KMT2C: variants seen among roughly 807,000 people sequenced by gnomAD.
KMT2C encodes lysine methyltransferase 2C.
In KMT2C, 88 loss-of-function variants were observed where a neutral mutation model predicts 507.9. That is an observed-to-expected ratio of 0.17 (90% CI 0.15 to 0.21). The LOEUF (loss-of-function observed/expected upper bound fraction) is 0.21. Ranked by LOEUF, KMT2C falls within the 10% of genes least tolerant of loss-of-function variation. KMT2C has a pLI of 1.00. For missense variants in KMT2C, 4,954 were observed against 5,957.8 expected, an observed-to-expected ratio of 0.83 and a Z score of 5.55; for synonymous variants, 2,049 against 2,080.8, an observed-to-expected ratio of 0.98 and a Z score of 0.42.
chr7:152,152,643 G>A (rs2129097309), intron 49 of KMT2C, 62 bp downstream of exon 49: 2 of 1,585,004 alleles, frequency 1.3e-6, no homozygotes, highest in South Asian at 2.3e-5. Flanking sequence ...GTATCTCAAA[G>A]AGTAAGCTTA....
intron 8 of KMT2C, among the ~76,000 whole-genome samples, chr7:152,264,032 C>T (rs1466005907): frequency 2.0e-5 from 3 of 152,144 alleles, no homozygotes; most frequent in Admixed American, 6.6e-5. Context: ...TAAAAAGTCA[C>T]GTTTTATCTC....
chr7:152,295,808 T>C (rs746362306), intron 6 of KMT2C, among the ~76,000 whole-genome samples: 5 of 152,192 alleles, frequency 3.3e-5, no homozygotes, highest in Non-Finnish European at 5.9e-5. Context: ...GGCTCACGCC[T>C]GTAATCCCAG....
At chr7:152,190,164 G>C (rs1210555018) in intron 31 of KMT2C, among the ~76,000 whole-genome samples, 1 of 152,142 alleles carries the variant, frequency 6.6e-6, no homozygotes, top group African/African-American at 2.4e-5. Flanking sequence ...GGTCTTCCTT[G>C]AAACTGGTCC....
chr7:152,418,276 G>A (rs34169961), intron 1 of KMT2C, among the ~76,000 whole-genome samples: 7,619 of 151,972 alleles, frequency 0.05, 321 homozygotes, highest in African/African-American at 0.11. Flanking sequence ...CCTGCCTATG[G>A]TAATCTGTCC....
rs180986613 is a variant in KMT2C at position 152,218,537 on chromosome 7, C to T, written c.3712+1986G>A. Among the ~76,000 whole-genome samples the T allele has an allele frequency of 3.9e-3, 598 of 152,174 alleles. 6 individuals carry two copies. Among genetic ancestry groups the T allele is most frequent in the African/African-American group, 0.014 (567 of 41,526 alleles). On this transcript the variant is annotated intron_variant, in intron 23 of 58. Coordinates refer to ENST00000262189, the MANE Select transcript of KMT2C (RefSeq NM_170606.3). ...TGGACCATTGTTTCTCACTGATCTA[C>T]CTGTCATAACTCTTGCACCTAATCA... is the stretch of plus-strand genomic sequence containing the variant.
In KMT2C at chr7:152,155,954, T is replaced by C; in HGVS notation, c.11916A>G (p.Pro3972=). The change falls in exon 46 of 59, where the codon CCA becomes CCG. Residue 3972 remains proline (P), a synonymous_variant. Transcript: ENST00000262189. ...LAQGPKTVDV[P]ASLPTPPHNN... is the part of the protein sequence containing the mutation. ...TATGAGGTGGTGTTGGGAGGGAGGC[T>C]GGCACATCAACTGTCTTGGGGCCCT... 1 of 1,610,222 alleles carries C rather than the reference T, an allele frequency of 6.2e-7. No homozygotes were observed. The highest frequency in any genetic ancestry group is 8.5e-7 in the Non-Finnish European group (1 of 1,179,248).
intron 23 of KMT2C, among the ~76,000 whole-genome samples, chr7:152,215,824 G>A (rs1338566851): frequency 6.6e-6 from 1 of 151,746 alleles, no homozygotes; most frequent in Non-Finnish European, 1.5e-5. Context: ...TGTAAACTGG[G>A]GGCATGAAGG....
rs756315490 is a variant in KMT2C at position 152,162,813 on chromosome 7, C to T, written c.10764G>A (p.Ser3588=). The change falls in exon 43 of 59, where the codon TCG becomes TCA. Residue 3588 remains serine, a synonymous_variant. Transcript: ENST00000262189. ...TTATATCAGAATACAACTGAATGAGCGATTGGGTTGATCCCGGATAACTGT... is the reference window on the plus strand; with the variant it reads ...TTATATCAGAATACAACTGAATGAGTGATTGGGTTGATCCCGGATAACTGT... The part of the protein sequence containing the change: ...HGHSYPGSTQ[S]LIQLYSDIIP... 1.5e-5 allele frequency: 24 copies of T among 1,614,098 alleles called. No homozygotes were observed. The highest frequency in any genetic ancestry group is 2.2e-5 in the South Asian group (2 of 91,068).
At chr7:152,358,467 T>TA (rs1361249988) in intron 2 of KMT2C, 120 bp downstream of exon 2, 12 of 595,284 alleles carry the variant, frequency 2.0e-5, no homozygotes, top group African/African-American at 9.4e-5. Context: ...ATGGGAAACT[T>TA]AGAGTTCAGT....
At chr7:152,137,116 G>A (rs2089945158) in intron 58 of KMT2C, 192 bp from the exon 59 acceptor site, 1 of 543,798 alleles carries the variant, frequency 1.8e-6, no homozygotes, top group East Asian at 3.0e-5. Flanking sequence ...GAGGAAATGA[G>A]GGAGGCAGTA....
At chr7:152,284,175 T>C (rs1437912774) in intron 6 of KMT2C, among the ~76,000 whole-genome samples, 1 of 152,156 alleles carries the variant, frequency 6.6e-6, no homozygotes, top group Admixed American at 6.5e-5. Context: ...TATGTAATTG[T>C]GCTATTGAAT....
intron 1 of KMT2C, among the ~76,000 whole-genome samples, chr7:152,372,022 C>T (rs539525053): frequency 1.1e-3 from 168 of 151,932 alleles, no homozygotes; most frequent in Admixed American, 2.2e-3. Flanking sequence ...CAAAGGAAGA[C>T]GGCTAGAGAG....
At chr7:152,407,738 T>C (rs914573082) in intron 1 of KMT2C, among the ~76,000 whole-genome samples, 9 of 152,256 alleles carry the variant, frequency 5.9e-5, no homozygotes, top group African/African-American at 2.2e-4. Flanking sequence ...GATACAACTA[T>C]ATCACGTCTT....
chr7:152,187,218 T>A (rs1460357981), intron 33 of KMT2C, 44 bp downstream of exon 33: 1 of 1,508,336 alleles, frequency 6.6e-7, no homozygotes, highest in Non-Finnish European at 9.2e-7. Context: ...GTATTGCACA[T>A]GTGAAAATGT....
At chr7:152,303,892 G>C (rs531389686) in intron 6 of KMT2C, among the ~76,000 whole-genome samples, 86 of 152,248 alleles carry the variant, frequency 5.6e-4, no homozygotes, top group African/African-American at 2.0e-3. Flanking sequence ...GGAGACTGAG[G>C]TGGGAGGATG....
In KMT2C at chr7:152,158,796, T is replaced by A. The variant is rs2092266650; in HGVS notation, c.11670+67A>T. Reference sequence around the variant, plus strand: ...TCCCAAAGTGCTGGGATTACAGGCATGAGCCACTGCCCCCAGCCTATATCC... The same window carrying A: ...TCCCAAAGTGCTGGGATTACAGGCAAGAGCCACTGCCCCCAGCCTATATCC... On this transcript the variant is annotated intron_variant, in intron 44 of 58. Coordinates refer to ENST00000262189, the MANE Select transcript of KMT2C (RefSeq NM_170606.3). The A allele has an allele frequency of 4.2e-6, 6 of 1,435,870 alleles. No homozygotes were observed. The Admixed American group carries it at 1.0e-4, about 24-fold the overall frequency. The allele number at this position is 1,435,870 out of a possible 1,614,324, so 88.9% of individuals were successfully genotyped here.
rs2089800220 is a variant in KMT2C, at chr7:152,135,471, T to G, written c.*1361A>C. ...TTAAAATTACATCTTCCAAAAACCC[T>G]ATTGCCAGAGTCCTGCAGCTGTAAG... is the stretch of plus-strand genomic sequence containing the variant. On this transcript the variant is annotated 3_prime_UTR_variant, in exon 59 of 59. Coordinates refer to ENST00000262189, the MANE Select transcript of KMT2C (RefSeq NM_170606.3). 1.8e-5 allele frequency: 4 copies of G among 221,038 alleles called. 1 individual carries two copies. The highest frequency in any genetic ancestry group is 5.8e-5 in the Admixed American group (1 of 17,384). The allele number at this position is 221,038 out of a possible 1,614,324, so 13.7% of individuals were successfully genotyped here.
At position 152,390,218 on chromosome 7, in the gene KMT2C, A is replaced by T. The variant is rs143190596; in HGVS notation, c.162-31543T>A. On this transcript the variant is annotated intron_variant, in intron 1 of 58. Transcript: ENST00000262189. Reference sequence around the variant, plus strand: ...ACCCCCTGAATCTAAAATAAAATAAATTTTTTTTTAAATTGTAAAGAAAAA... The same window carrying T: ...ACCCCCTGAATCTAAAATAAAATAATTTTTTTTTTAAATTGTAAAGAAAAA... Among the ~76,000 whole-genome samples the T allele has an allele frequency of 7.9e-3, 229 of 28,988 alleles. 1 individual carries two copies. Among genetic ancestry groups the T allele is most frequent in the African/African-American group, 0.023 (169 of 7,308 alleles). 19.0% of individuals were successfully genotyped at this position (28,988 alleles called of 152,430 possible). A position where few individuals can be genotyped will look rare whatever the true frequency, so the allele number is the denominator to read the frequency against.
At chr7:152,387,984 C>G (rs990270176) in intron 1 of KMT2C, among the ~76,000 whole-genome samples, 9 of 151,000 alleles carry the variant, frequency 6.0e-5, no homozygotes, top group African/African-American at 2.2e-4. Context: ...ATAAAAAATA[C>G]TTTAAAGCTC....
Sources: allele counts gnomAD v4.1 joint callset (sites outside exome capture counted in the v4.1 genomes callset), GRCh38; gene constraint gnomAD v4.1.1; transcripts MANE v1.5; gene names NCBI Gene and HGNC (gene_info 2026-07-23, HGNC 2026-07-21).